Variants in TRIQK observed in about 807,000 individuals in gnomAD.
TRIQK encodes triple QxxK/R motif containing, also known as triple QxxK/R motif-containing protein.
In TRIQK, 10 loss-of-function variants were observed where a neutral mutation model predicts 10.8. The observed-to-expected ratio is 0.92, with a 90% CI of 0.57 to 1.57. TRIQK has a LOEUF of 1.57. TRIQK is among the 40% of genes most tolerant of loss of function. The probability of loss-of-function intolerance (pLI) is 0.00; values close to 1 mark genes in which losing one functional copy is unlikely to be tolerated. For missense variants in TRIQK, 107 were observed against 97.7 expected, an observed-to-expected ratio of 1.09 and a Z score of -0.40; for synonymous variants, 33 against 33.7, an observed-to-expected ratio of 0.98 and a Z score of 0.07.
Position 92,886,732 on chromosome 8 carries a change from C to T in TRIQK, c.151G>A (p.Val51Ile). Reference sequence around the variant, plus strand: ...AATATAGCTGCAAGTACAAGGCCAACTTCCTGGGAAGAAAAAAAAAGTAGA... The same window carrying T: ...AATATAGCTGCAAGTACAAGGCCAATTTCCTGGGAAGAAAAAAAAAGTAGA... ...AKKTAIGIKE[V>I]GLVLAAILAL... is the part of the protein sequence containing the mutation. The change falls in exon 5 of 5, where the codon GTT becomes ATT. Residue 51 changes from valine to isoleucine, a missense_variant. Coordinates refer to ENST00000521988, the MANE Select transcript of TRIQK (RefSeq NM_001171797.2). The T allele has an allele frequency of 6.6e-7, 1 of 1,517,976 alleles. No individual in the cohort carries two copies. Among genetic ancestry groups the T allele is most frequent in the Non-Finnish European group, 8.8e-7 (1 of 1,132,740 alleles). The allele number at this position is 1,517,976 out of a possible 1,614,324, so 94.0% of individuals were successfully genotyped here. A position where few individuals can be genotyped will look rare whatever the true frequency, so the allele number is the denominator to read the frequency against.
intron 1 of TRIQK, among the ~76,000 whole-genome samples, chr8:93,007,714 G>A (rs1004611085): frequency 3.3e-5 from 5 of 152,164 alleles, no homozygotes; most frequent in African/African-American, 9.7e-5. Context: ...AACACAGCAC[G>A]AGAACTTCAC....
At chr8:92,906,722 CAAAAAA>C (rs36073229) in intron 3 of TRIQK, among the ~76,000 whole-genome samples, 19 of 126,516 alleles carry the variant, frequency 1.5e-4, no homozygotes, top group South Asian at 1.4e-3. Flanking sequence ...CCGTCTCTAT[CAAAAAA>C]AAAAAAAAAA....
At chr8:92,886,822 T>A (rs748628686) in intron 4 of TRIQK, 87 bp from the exon 5 acceptor site, 25 of 750,668 alleles carry the variant, frequency 3.3e-5, no homozygotes, top group Non-Finnish European at 2.9e-5. Flanking sequence ...AACCATATTG[T>A]TCCACAGTCT....
intron 2 of TRIQK, among the ~76,000 whole-genome samples, chr8:92,923,435 T>A (rs997668791): frequency 2.6e-5 from 4 of 151,864 alleles, no homozygotes; most frequent in African/African-American, 9.7e-5. Context: ...TTATGTCTCA[T>A]CACCTTCTTT....
intron 1 of TRIQK, among the ~76,000 whole-genome samples, chr8:93,008,622 G>C (rs1813297720): frequency 6.6e-6 from 1 of 152,066 alleles, no homozygotes; most frequent in Non-Finnish European, 1.5e-5. Flanking sequence ...GCACAGTACT[G>C]GCATAAAATC....
intron 1 of TRIQK, among the ~76,000 whole-genome samples, chr8:93,009,605 C>T (rs1012469698): frequency 2.5e-4 from 36 of 144,436 alleles, no homozygotes; most frequent in Admixed American, 1.1e-3. Flanking sequence ...GAGACTCTGC[C>T]TCAAAAAAAA....
intron 4 of TRIQK, chr8:92,886,965 T>G (rs28701768): frequency 0.043 from 12,332 of 286,684 alleles, 669 homozygotes; most frequent in African/African-American, 0.14. Flanking sequence ...GTATTATTAT[T>G]TCTAGCTAAT....
intron 1 of TRIQK, chr8:92,973,799 C>G (rs1449132543): frequency 6.6e-6 from 1 of 152,044 alleles, no homozygotes; most frequent in African/African-American, 2.4e-5. Context: ...ATTCTCGTCC[C>G]CTATAGTACT....
chr8:92,927,510 G>C (rs1304884452), intron 2 of TRIQK, among the ~76,000 whole-genome samples: 1 of 152,114 alleles, frequency 6.6e-6, no homozygotes, highest in African/African-American at 2.4e-5. Context: ...TACTAGAGAA[G>C]AAAGGTTATT....
intron 3 of TRIQK, among the ~76,000 whole-genome samples, chr8:92,909,236 G>T (rs1388814284): frequency 6.6e-6 from 1 of 151,620 alleles, no homozygotes; most frequent in African/African-American, 2.4e-5. Context: ...AAAATAACTA[G>T]GTAAAACATT....
intron 3 of TRIQK, among the ~76,000 whole-genome samples, chr8:92,909,567 C>T (rs1809461773): frequency 6.6e-6 from 1 of 151,762 alleles, no homozygotes. Flanking sequence ...TTGGACATAA[C>T]AGCTTGTCAT....
At chr8:92,972,955 G>A (rs1035578035) in intron 1 of TRIQK, 3 of 152,170 alleles carry the variant, frequency 2.0e-5, no homozygotes, top group African/African-American at 7.2e-5. Flanking sequence ...GTGTGCATGA[G>A]CAGAAGAGAT....
At chr8:92,968,586 G>A (rs1481419203), upstream of TRIQK, among the ~76,000 whole-genome samples, 2 of 152,246 alleles carry the variant, frequency 1.3e-5, no homozygotes, top group South Asian at 2.1e-4. Context: ...CTTATTGGAC[G>A]CATAAATGTA....
intron 1 of TRIQK, among the ~76,000 whole-genome samples, chr8:92,975,987 T>G (rs1036749151): frequency 3.3e-5 from 5 of 151,960 alleles, no homozygotes; most frequent in African/African-American, 4.8e-5. Flanking sequence ...AATTTCCTGT[T>G]AGTAATTTAC....
At chr8:92,917,670 A>G (rs1809938327) in intron 2 of TRIQK, among the ~76,000 whole-genome samples, 1 of 152,046 alleles carries the variant, frequency 6.6e-6, no homozygotes, top group African/African-American at 2.4e-5. Context: ...TACAATGAGT[A>G]ATGACCAGTT....
intron 1 of TRIQK, among the ~76,000 whole-genome samples, chr8:92,992,442 G>A (rs553739659): frequency 6.6e-6 from 1 of 152,344 alleles, no homozygotes. Flanking sequence ...AATAGCACCA[G>A]TAGGGGTGAG....
At chr8:92,920,570 T>C in intron 2 of TRIQK, among the ~76,000 whole-genome samples, 1 of 150,630 alleles carries the variant, frequency 6.6e-6, no homozygotes. Flanking sequence ...AAGAGCAGAT[T>C]AGGGGTTTTC....
At chr8:92,957,279 C>T (rs906384882) in intron 1 of TRIQK, among the ~76,000 whole-genome samples, 1 of 151,416 alleles carries the variant, frequency 6.6e-6, no homozygotes, top group Admixed American at 6.6e-5. Flanking sequence ...TATACATATG[C>T]ATGTATGTAT....
intron 1 of TRIQK, among the ~76,000 whole-genome samples, chr8:92,980,643 A>T (rs1020462249): frequency 2.0e-5 from 3 of 152,006 alleles, no homozygotes; most frequent in Admixed American, 2.0e-4. Flanking sequence ...AGAAATGCAT[A>T]CTTTCCTAGA....
Sources: gnomAD v4.1 joint callset for allele counts (sites outside exome capture counted in the v4.1 genomes callset) on GRCh38, gnomAD v4.1.1 for gene constraint, MANE v1.5 for transcripts, NCBI Gene and HGNC (gene_info 2026-07-23, HGNC 2026-07-21) for gene names.